The following ENGASE variants were observed in gnomAD, a reference collection of about 807,000 sequenced individuals.
ENGASE encodes endo-beta-N-acetylglucosaminidase.
A neutral mutation model predicts 78.5 loss-of-function variants in ENGASE; 69 were observed. That is an observed-to-expected ratio of 0.88 (90% CI 0.72 to 1.07). The LOEUF (loss-of-function observed/expected upper bound fraction) is 1.07. Among genes scored for constraint, ENGASE ranks in the 50% least tolerant of loss-of-function variants. The pLI is 0.00. For missense variants in ENGASE, 943 were observed against 988.4 expected, an observed-to-expected ratio of 0.95 and a Z score of 0.62; for synonymous variants, 408 against 408.9, an observed-to-expected ratio of 1.00 and a Z score of 0.03.
Position 79,081,749 on chromosome 17 carries a change from T to TGTGAG in ENGASE, c.873-146_873-145insAGGTG, listed in dbSNP as rs1232670656. 7 of 636,860 alleles carry TGTGAG rather than the reference T, an allele frequency of 1.1e-5. No individual in the cohort carries two copies. In the African/African-American group the frequency reaches 2.3e-4, roughly 21 times the overall value. 39.5% of individuals were successfully genotyped at this position (636,860 alleles called of 1,614,324 possible). A position where few individuals can be genotyped will look rare whatever the true frequency, so the allele number is the denominator to read the frequency against. ...TCTAGGAGGGGAAAGGCTGAGGCTG[T>TGTGAG]GTGGGGTGGGGTGGGGTGGGGTGGG... On this transcript the variant is annotated intron_variant, in intron 6 of 13. Coordinates refer to ENST00000579016, the MANE Select transcript of ENGASE (RefSeq NM_001042573.3).
Position 79,086,504 on chromosome 17 carries a change from C to A in ENGASE, c.*155C>A. 1.1e-6 allele frequency: 1 copy of A among 887,948 alleles called. No individual in the cohort carries two copies. The highest frequency in any genetic ancestry group is 1.7e-6 in the Non-Finnish European group (1 of 602,132). 55.0% of individuals were successfully genotyped at this position (887,948 alleles called of 1,614,324 possible). On this transcript the variant is annotated 3_prime_UTR_variant, in exon 14 of 14. Transcript: ENST00000579016. ...GGAGACCCCGGGCTGAGTGCTGTGG[C>A]TTTCTGGTGGGGGGCGATGGAAACA...
At chr17:79,079,664 T>A in intron 4 of ENGASE, 27 bp downstream of exon 4, 5 of 1,603,968 alleles carry the variant, frequency 3.1e-6, no homozygotes, top group Non-Finnish European at 4.3e-6. Context: ...CACCTCTGTG[T>A]CAGCCAGACT....
chr17:79,075,797 G>A, intron 1 of ENGASE: 1 of 985,456 alleles, frequency 1.0e-6, no homozygotes, highest in Non-Finnish European at 1.2e-6. Context: ...TCATGAAGAT[G>A]GGATGAAGGC....
At chr17:79,079,724 C>A in intron 4 of ENGASE, 87 bp downstream of exon 4, 2 of 1,532,666 alleles carry the variant, frequency 1.3e-6, no homozygotes, top group Non-Finnish European at 8.8e-7. Flanking sequence ...ACGGGCTTTG[C>A]CTGCTTCTCA....
At position 79,083,159 on chromosome 17, in the gene ENGASE, G is replaced by T. The variant is rs1466136283; in HGVS notation, c.1142+36G>T. On this transcript the variant is annotated intron_variant, in intron 8 of 13. Coordinates refer to ENST00000579016, the MANE Select transcript of ENGASE (RefSeq NM_001042573.3). This position sits in a 1 kb window ranked among gnomAD's most constrained non-coding sequence, Gnocchi z 4.9. ...CTGTCCTGGGTGCTTAGTGCAGGCT[G>T]ATGGGAGGGAGGGGTTTCTGGTGTC... is the stretch of plus-strand genomic sequence containing the variant. 1 of 1,467,420 alleles carries T rather than the reference G, an allele frequency of 6.8e-7. No individual in the cohort carries two copies. Among genetic ancestry groups the T allele is most frequent in the East Asian group, 2.3e-5 (1 of 43,984 alleles). 90.9% of individuals were successfully genotyped at this position (1,467,420 alleles called of 1,614,324 possible). A position where few individuals can be genotyped will look rare whatever the true frequency, so the allele number is the denominator to read the frequency against.
intron 5 of ENGASE, 105 bp downstream of exon 5, chr17:79,080,469 G>A: frequency 1.5e-6 from 2 of 1,368,608 alleles, no homozygotes; most frequent in Middle Eastern, 2.4e-4. Flanking sequence ...TGGGCTGCAG[G>A]TTGCAGCAGT....
At position 79,077,850 on chromosome 17, in the gene ENGASE, G is replaced by A. The variant is rs1239802705; in HGVS notation, c.402G>A (p.Gly134=). The change falls in exon 3 of 14, where the codon GGG becomes GGA. Residue 134 remains glycine (G), a synonymous_variant. Transcript: ENST00000579016. ...RTLLCHDMMG[G]YLDDRFIQGS... is the part of the protein sequence containing the mutation. ...TGTTGTGTCATGACATGATGGGCGGGTACCTGGATGACAGGTGAGGACCTG... is the reference window on the plus strand; with the variant it reads ...TGTTGTGTCATGACATGATGGGCGGATACCTGGATGACAGGTGAGGACCTG... The A allele has an allele frequency of 6.3e-7, 1 of 1,595,434 alleles. No homozygotes were observed. Among genetic ancestry groups the A allele is most frequent in the Non-Finnish European group, 8.6e-7 (1 of 1,169,098 alleles).
Position 79,083,385 on chromosome 17 carries a change from G to A in ENGASE, c.1143-97G>A. 1 of 901,432 alleles carries A rather than the reference G, an allele frequency of 1.1e-6. No individual in the cohort carries two copies. The highest frequency in any genetic ancestry group is 1.7e-5 in the African/African-American group (1 of 60,604). The allele number at this position is 901,432 out of a possible 1,614,324, so 55.8% of individuals were successfully genotyped here. ...TCCTGGAAGTCCTGTCTTGGAGGGT[G>A]CAGGAGAGCCTCGAGTTTCCACCAG... On this transcript the variant is annotated intron_variant, in intron 8 of 13. Transcript: ENST00000579016. This position sits in a 1 kb window ranked among gnomAD's most constrained non-coding sequence, Gnocchi z 4.9.
At chr17:79,082,950 G>A (rs1019458624) in intron 7 of ENGASE, 70 bp from the exon 8 acceptor site, 24 of 1,587,364 alleles carry the variant, frequency 1.5e-5, no homozygotes, top group Admixed American at 3.5e-5. Flanking sequence ...CCCAACCCAC[G>A]TCACTGGCGT....
chr17:79,081,898 G>C lies in ENGASE; in HGVS notation c.873G>C (p.Arg291Ser), dbSNP rs1439792523. Residue 291 changes from arginine (R) to serine (S), a missense_variant and splice_region_variant, in exon 7 of 14, where the codon AGG (arginine) becomes AGC (serine). By Grantham distance (110) the Arg-to-Ser change is moderately radical. Coordinates refer to ENST00000579016, the MANE Select transcript of ENGASE (RefSeq NM_001042573.3). ...ACAGCAGGTCCTTGTTGCTTCTCAG[G>C]GTCTTCTTTGATTCCTGCGACGGCT... ...KWQDELNQHNRVFFDSCDGFF... is the reference protein window; with the variant it reads ...KWQDELNQHNSVFFDSCDGFF... 1 of 1,609,712 alleles carries C rather than the reference G, an allele frequency of 6.2e-7. No homozygotes were observed. The highest frequency in any genetic ancestry group is 1.1e-5 in the South Asian group (1 of 90,778).
chr17:79,080,900 C>T, intron 5 of ENGASE, 25 bp from the exon 6 acceptor site: 1 of 1,599,614 alleles, frequency 6.3e-7, no homozygotes, highest in Non-Finnish European at 8.5e-7. Flanking sequence ...CTCACTGAGG[C>T]TCTCACCTTG....
Position 79,080,197 on chromosome 17 carries a change from A to G in ENGASE, c.566-10A>G, listed in dbSNP as rs778375813. On this transcript the variant is annotated splice_polypyrimidine_tract_variant and intron_variant, in intron 4 of 13. Transcript: ENST00000579016. The stretch of plus-strand genomic sequence containing the variant: ...CCGTGGCTGACCTTGTTTCTCTCCT[A>G]TCCTCACAGGGACTTTCATCACGGA... 36 of 1,581,996 alleles carry G rather than the reference A, an allele frequency of 2.3e-5. No individual in the cohort carries two copies. Among genetic ancestry groups the G allele is most frequent in the South Asian group, 4.6e-5 (4 of 87,662 alleles).
Position 79,086,441 on chromosome 17 carries a change from C to A in ENGASE, c.*92C>A. ...GCCTGCGCTGGACCTGCTAAGTGCC[C>A]ACAGTGGCAGCGAGGTCCCGGTCCC... On this transcript the variant is annotated 3_prime_UTR_variant, in exon 14 of 14. Coordinates refer to ENST00000579016, the MANE Select transcript of ENGASE (RefSeq NM_001042573.3). 2 of 1,441,764 alleles carry A rather than the reference C, an allele frequency of 1.4e-6. No homozygotes were observed. The highest frequency in any genetic ancestry group is 2.4e-5 in the Admixed American group (1 of 42,200). The allele number at this position is 1,441,764 out of a possible 1,614,324, so 89.3% of individuals were successfully genotyped here. A position where few individuals can be genotyped will look rare whatever the true frequency, so the allele number is the denominator to read the frequency against.
In ENGASE at chr17:79,088,192, C is replaced by T. The variant is rs10073; in HGVS notation, c.*1843C>T. ...ACTTTTTTTCAGCTGTGACCATTCC[C>T]GGGAGCTCTTTGAGCCTTTCTGTCT... On this transcript the variant is annotated 3_prime_UTR_variant, in exon 14 of 14. Transcript: ENST00000579016. 0.6 allele frequency: 90,627 copies of T among 151,898 alleles called. 27,739 individuals are homozygous for T. Among genetic ancestry groups the T allele is most frequent in the East Asian group, 0.92 (4,715 of 5,118 alleles). The allele number at this position is 151,898 out of a possible 1,614,324, so 9.4% of individuals were successfully genotyped here.
intron 12 of ENGASE, 92 bp from the exon 13 acceptor site, chr17:79,085,528 T>C: frequency 1.3e-6 from 2 of 1,545,790 alleles, no homozygotes; most frequent in Non-Finnish European, 1.8e-6. Context: ...CTGGGATGCA[T>C]CTCCCTTCTG....
chr17:79,082,151 C>T (rs2073160185), intron 7 of ENGASE, 88 bp downstream of exon 7: 3 of 1,609,296 alleles, frequency 1.9e-6, no homozygotes, highest in East Asian at 2.2e-5. Context: ...CCCGTCTGCA[C>T]CTCAAAGGAA....
intron 5 of ENGASE, 148 bp from the exon 6 acceptor site, chr17:79,080,777 G>T: frequency 9.5e-7 from 1 of 1,050,420 alleles, no homozygotes; most frequent in Non-Finnish European, 1.4e-6. Flanking sequence ...TCCACTTGCG[G>T]GGCTGTGGCG....
In ENGASE at chr17:79,080,935, T is replaced by C; in HGVS notation, c.734T>C (p.Val245Ala). Residue 245 changes from valine to alanine, a missense_variant, in exon 6 of 14, where the codon GTG becomes GCG. Coordinates refer to ENST00000579016, the MANE Select transcript of ENGASE (RefSeq NM_001042573.3). The part of the protein sequence containing the change: ...NIENSLSLAA[V>A]GNMPPFLRYL... The stretch of plus-strand genomic sequence containing the variant: ...GTTCTTCTCTTTCAGCTGGCCGCTG[T>C]GGGGAACATGCCTCCTTTCCTGCGG... 4 of 1,612,012 alleles carry C rather than the reference T, an allele frequency of 2.5e-6. No individual in the cohort carries two copies. Among genetic ancestry groups the C allele is most frequent in the Non-Finnish European group, 3.4e-6 (4 of 1,178,934 alleles).
intron 7 of ENGASE, chr17:79,082,308 A>C: frequency 1.4e-6 from 2 of 1,420,338 alleles, no homozygotes; most frequent in Non-Finnish European, 1.9e-6. Context: ...GTTACCAGAC[A>C]GAGGCGCGTC....
Sources: gnomAD v4.1 joint callset for allele counts on GRCh38, gnomAD v4.1.1 for gene constraint, Gnocchi (gnomAD v3.1) non-coding constraint, MANE v1.5 for transcripts, NCBI Gene and HGNC (gene_info 2026-07-23, HGNC 2026-07-21) for gene names.